RNF185: variants seen among roughly 807,000 people sequenced by gnomAD.
The protein encoded by RNF185 is ring finger protein 185, also known as E3 ubiquitin-protein ligase RNF185.
RNF185 carries 13 observed loss-of-function variants against 24.9 expected under a neutral mutation model. That is an observed-to-expected ratio of 0.52 (90% confidence interval 0.34 to 0.83). The LOEUF (loss-of-function observed/expected upper bound fraction) is 0.83. Ranked by LOEUF, RNF185 falls within the 40% of genes least tolerant of loss-of-function variation. RNF185 has a pLI of 0.01. For synonymous variants in RNF185, 79 were observed against 90.3 expected, an observed-to-expected ratio of 0.88 and a Z score of 0.71; for missense variants, 184 against 244.7, an observed-to-expected ratio of 0.75 and a Z score of 1.65.
At chr22:31,183,864 T>C (rs913115108) in intron 1 of RNF185, among the ~76,000 whole-genome samples, 3 of 152,188 alleles carry the variant, frequency 2.0e-5, no homozygotes, top group Non-Finnish European at 4.4e-5. Flanking sequence ...AAACCGCTAT[T>C]GTCATCATGG....
chr22:31,166,280 C>T (rs1923912980), intron 1 of RNF185, among the ~76,000 whole-genome samples: 1 of 152,072 alleles, frequency 6.6e-6, no homozygotes, highest in South Asian at 2.1e-4. Context: ...CATGAGCCAC[C>T]ATGCCCTGCC....
At chr22:31,170,522 A>C (rs992721057) in intron 1 of RNF185, among the ~76,000 whole-genome samples, 2 of 147,236 alleles carry the variant, frequency 1.4e-5, no homozygotes, top group Non-Finnish European at 3.0e-5. Context: ...TATTTTATTT[A>C]TTTATTGAGA....
At chr22:31,182,022 A>T (rs12484282) in intron 1 of RNF185, among the ~76,000 whole-genome samples, 6,546 of 151,376 alleles carry the variant, frequency 0.043, 553 homozygotes, top group East Asian at 0.38. Flanking sequence ...ATATATATTT[A>T]AAAAAATGTG....
intron 1 of RNF185, among the ~76,000 whole-genome samples, chr22:31,174,135 G>A (rs1302044044): frequency 2.0e-5 from 3 of 152,150 alleles, no homozygotes; most frequent in African/African-American, 7.2e-5. Context: ...TGTCTTGTGA[G>A]GAAGATATTA....
intron 1 of RNF185, among the ~76,000 whole-genome samples, chr22:31,168,979 G>A (rs867092142): frequency 2.6e-5 from 4 of 151,920 alleles, no homozygotes; most frequent in Middle Eastern, 6.8e-3. Context: ...GTGGAATCTG[G>A]GCTCTGCAAC....
intron 5 of RNF185, among the ~76,000 whole-genome samples, chr22:31,197,739 C>CT (rs1568972665): frequency 6.6e-6 from 1 of 151,508 alleles, no homozygotes; most frequent in Non-Finnish European, 1.5e-5. Context: ...TTTTGTCTTT[C>CT]TTTTTTTTGT....
At chr22:31,176,270 T>C (rs2047981403) in intron 1 of RNF185, among the ~76,000 whole-genome samples, 1 of 151,304 alleles carries the variant, frequency 6.6e-6, no homozygotes, top group Non-Finnish European at 1.5e-5. Flanking sequence ...AGAATCTCGC[T>C]CTGTCGCCCA....
chr22:31,196,870 A>C (rs2048210383), intron 4 of RNF185, 66 bp from the exon 5 acceptor site: 8 of 1,591,690 alleles, frequency 5.0e-6, no homozygotes, highest in Non-Finnish European at 6.8e-6. Context: ...AAAGAGCTCC[A>C]GGTCCTCACA....
At chr22:31,163,814 C>T (rs1923736202) in intron 1 of RNF185, among the ~76,000 whole-genome samples, 1 of 151,946 alleles carries the variant, frequency 6.6e-6, no homozygotes, top group Admixed American at 6.6e-5. Flanking sequence ...GCTGGGACTA[C>T]AGGTGCACGC....
chr22:31,179,148 C>G (rs2048010570), intron 1 of RNF185, among the ~76,000 whole-genome samples: 1 of 152,180 alleles, frequency 6.6e-6, no homozygotes, highest in South Asian at 2.1e-4. Context: ...CAAGGTTGCT[C>G]TGTGGTTAGG....
intron 1 of RNF185, among the ~76,000 whole-genome samples, chr22:31,170,555 G>C (rs553153640): frequency 3.2e-4 from 49 of 151,928 alleles, no homozygotes; most frequent in Non-Finnish European, 6.5e-4. Context: ...CTGTCACCCA[G>C]GGTGGAGTGC....
At position 31,170,592 on chromosome 22, in the gene RNF185, C is replaced by A. The variant is rs183777093; in HGVS notation, c.-49+10289C>A. 1.3e-3 allele frequency among the ~76,000 whole-genome samples: 192 copies of A among 152,186 alleles called. 1 individual carries two copies. Among genetic ancestry groups the A allele is most frequent in the African/African-American group, 4.5e-3 (187 of 41,510 alleles). Reference sequence around the variant, plus strand: ...GTAGTATGATCTCAGCTCACTGCAACCTCCACCTCCAGGGTTCAAGCGATT... The same window carrying A: ...GTAGTATGATCTCAGCTCACTGCAAACTCCACCTCCAGGGTTCAAGCGATT... On this transcript the variant is annotated intron_variant, in intron 1 of 6. Coordinates refer to ENST00000326132, the MANE Select transcript of RNF185 (RefSeq NM_152267.4).
At chr22:31,163,333 A>T (rs1432155577) in intron 1 of RNF185, among the ~76,000 whole-genome samples, 10 of 144,716 alleles carry the variant, frequency 6.9e-5, no homozygotes, top group African/African-American at 2.5e-4. Context: ...CATCGTGTAC[A>T]TTTTTTTTTT....
chr22:31,181,478 T>C (rs2048036097), intron 1 of RNF185, among the ~76,000 whole-genome samples: 1 of 152,220 alleles, frequency 6.6e-6, no homozygotes, highest in Non-Finnish European at 1.5e-5. Flanking sequence ...TCCATTTTTA[T>C]TTTTTTCCCC....
chr22:31,179,169 T>G (rs2048010964), intron 1 of RNF185, among the ~76,000 whole-genome samples: 1 of 152,212 alleles, frequency 6.6e-6, no homozygotes. Flanking sequence ...TGAAAGTCTA[T>G]AGCTTCTACA....
chr22:31,170,358 T>C (rs1450139576), intron 1 of RNF185, among the ~76,000 whole-genome samples: 1 of 152,032 alleles, frequency 6.6e-6, no homozygotes, highest in Non-Finnish European at 1.5e-5. Flanking sequence ...CTGGCTAATT[T>C]TTTTCGTATT....
intron 1 of RNF185, among the ~76,000 whole-genome samples, chr22:31,161,093 C>T (rs1200328080): frequency 6.6e-6 from 1 of 152,136 alleles, no homozygotes; most frequent in Non-Finnish European, 1.5e-5. Context: ...AATACTGTTA[C>T]GGCAAAGAGG....
intron 1 of RNF185, among the ~76,000 whole-genome samples, chr22:31,184,023 C>T (rs957247799): frequency 7.3e-5 from 11 of 149,702 alleles, no homozygotes; most frequent in South Asian, 6.3e-4. Context: ...GCTGCCCCCC[C>T]CCACCTCCCG....
In RNF185 at chr22:31,203,489, G is replaced by A. The variant is rs2048283232; in HGVS notation, c.482-1000G>A. Reference sequence around the variant, plus strand: ...CTTGAACAGGTCACCTCAAACCTATGTTTCAGCTGCTTCCTACTCAAAATG... The same window carrying A: ...CTTGAACAGGTCACCTCAAACCTATATTTCAGCTGCTTCCTACTCAAAATG... On this transcript the variant is annotated intron_variant, in intron 6 of 6. Transcript: ENST00000326132. 2.6e-5 allele frequency among the ~76,000 whole-genome samples: 4 copies of A among 152,254 alleles called. No individual in the cohort carries two copies. In the South Asian group the frequency reaches 6.2e-4, roughly 24 times the overall value.
Sources: gnomAD v4.1 joint callset for allele counts (sites outside exome capture counted in the v4.1 genomes callset) on GRCh38, gnomAD v4.1.1 for gene constraint, MANE v1.5 for transcripts, NCBI Gene and HGNC (gene_info 2026-07-23, HGNC 2026-07-21) for gene names.